MAP4K4: variants seen among roughly 807,000 people sequenced by gnomAD.
MAP4K4 encodes the protein HPK/GCK-like kinase HGK.
Under a neutral mutation model 189.6 loss-of-function variants are expected in MAP4K4, and 38 were observed. The observed-to-expected ratio is 0.20, with a 90% CI of 0.15 to 0.26. MAP4K4 has a LOEUF of 0.26. Among genes scored for constraint, MAP4K4 ranks in the 10% least tolerant of loss-of-function variants. MAP4K4 has a pLI of 1.00. For missense variants in MAP4K4, 1,054 were observed against 1,726.9 expected (o/e 0.61, Z 6.91); for synonymous variants, 610 against 624.3 (o/e 0.98, Z 0.34).
chr2:101,816,294 T>C (rs2095710049), intron 3 of MAP4K4, among the ~76,000 whole-genome samples: 1 of 152,210 alleles, frequency 6.6e-6, no homozygotes, highest in Admixed American at 6.5e-5. Flanking sequence ...CCCTTCATTC[T>C]TTTTTATTGA....
In MAP4K4 at chr2:101,852,137, GT is replaced by G. The variant is rs113049423; in HGVS notation, c.1234-3828del. Among the ~76,000 whole-genome samples the G allele has an allele frequency of 5.1e-3, 730 of 142,532 alleles. 1 individual carries two copies. Among genetic ancestry groups the G allele is most frequent in the African/African-American group, 0.011 (440 of 39,178 alleles). 93.5% of individuals were successfully genotyped at this position (142,532 alleles called of 152,430 possible). On this transcript the variant is annotated intron_variant, in intron 12 of 32. Transcript: ENST00000324219. Reference sequence around the variant, plus strand: ...CAATATCTGGAGGCATAAAGGAGGTGTTTTTTTTTTTTGTTTTTATTAGTAT... The same window carrying G: ...CAATATCTGGAGGCATAAAGGAGGTGTTTTTTTTTTTGTTTTTATTAGTAT...
At chr2:101,889,182 C>T (rs1044395704) in intron 32 of MAP4K4, among the ~76,000 whole-genome samples, 1 of 152,094 alleles carries the variant, frequency 6.6e-6, no homozygotes, top group South Asian at 2.1e-4. Flanking sequence ...GTATTTTTAA[C>T]TCTATTAGAT....
rs150629805 is a variant in MAP4K4, at chr2:101,844,364, C to T, written c.1233+53C>T. On this transcript the variant is annotated intron_variant, in intron 12 of 32. Transcript: ENST00000324219. The stretch of plus-strand genomic sequence containing the variant: ...TTGGTCTTTTCTCTTTCTGCATTTA[C>T]ACTGGTAGTTAGCCACTCAGAGGAA... The T allele has an allele frequency of 1.7e-3, 2,527 of 1,447,696 alleles. 46 individuals carry two copies. In the African/African-American group the frequency reaches 0.032, roughly 19 times the overall value. The allele number at this position is 1,447,696 out of a possible 1,614,324, so 89.7% of individuals were successfully genotyped here. A position where few individuals can be genotyped will look rare whatever the true frequency, so the allele number is the denominator to read the frequency against.
intron 9 of MAP4K4, among the ~76,000 whole-genome samples, chr2:101,838,442 A>G (rs2096827311): frequency 6.6e-6 from 1 of 152,182 alleles, no homozygotes; most frequent in South Asian, 2.1e-4. Context: ...CTATTTTTCC[A>G]TTCTTTTTCA....
intron 31 of MAP4K4, among the ~76,000 whole-genome samples, chr2:101,888,385 G>A (rs1020415024): frequency 9.9e-5 from 15 of 152,130 alleles, no homozygotes; most frequent in African/African-American, 2.9e-4. Flanking sequence ...AATAAAGACC[G>A]ATATTTGACA....
Position 101,746,145 on chromosome 2 carries a change from A to T in MAP4K4, c.124-44575A>T, listed in dbSNP as rs1202583482. Among the ~76,000 whole-genome samples, 49 of 152,036 alleles carry T rather than the reference A, an allele frequency of 3.2e-4. 1 individual carries two copies. Among genetic ancestry groups the T allele is most frequent in the Admixed American group, 3.2e-3 (49 of 15,252 alleles). On this transcript the variant is annotated intron_variant, in intron 2 of 32. Coordinates refer to ENST00000324219, the Ensembl canonical transcript of MAP4K4. Reference sequence around the variant, plus strand: ...GTTGGGACCGCAGGTGCATACCACCACACCCAGCTAATTTTTACTTTTAGT... The same window carrying T: ...GTTGGGACCGCAGGTGCATACCACCTCACCCAGCTAATTTTTACTTTTAGT...
chr2:101,716,682 A>G lies in MAP4K4; in HGVS notation c.123+18144A>G, dbSNP rs149832552. On this transcript the variant is annotated intron_variant, in intron 2 of 32. Transcript: ENST00000324219. ...ATCTTTGTTCATACTTTTGTAGGTC[A>G]GTAATTTGGACTGGGGCATACTCAG... 1.7e-3 allele frequency among the ~76,000 whole-genome samples: 266 copies of G among 152,202 alleles called. 1 individual carries two copies. Among genetic ancestry groups the G allele is most frequent in the African/African-American group, 5.9e-3 (243 of 41,534 alleles).
intron 2 of MAP4K4, among the ~76,000 whole-genome samples, chr2:101,731,776 G>GGGGA (rs1488955331): frequency 3.3e-5 from 5 of 151,412 alleles, no homozygotes; most frequent in African/African-American, 4.8e-5. Context: ...AAAAGATGGA[G>GGGGA]GGGAGGGGTA....
intron 12 of MAP4K4, among the ~76,000 whole-genome samples, chr2:101,844,526 A>G (rs1378447358): frequency 6.6e-6 from 1 of 152,204 alleles, no homozygotes; most frequent in African/African-American, 2.4e-5. Flanking sequence ...TTCCTTGTGA[A>G]AACTTTAAGG....
At chr2:101,843,753 T>C (rs2096995104) in intron 11 of MAP4K4, among the ~76,000 whole-genome samples, 1 of 152,136 alleles carries the variant, frequency 6.6e-6, no homozygotes, top group Non-Finnish European at 1.5e-5. Flanking sequence ...CTGATGGTTC[T>C]GTTTGCTGAA....
chr2:101,771,349 G>A (rs550468953), intron 2 of MAP4K4, among the ~76,000 whole-genome samples: 10 of 152,174 alleles, frequency 6.6e-5, no homozygotes, highest in Admixed American at 5.9e-4. Context: ...TGCTTAGACC[G>A]CCAGGATCTA....
chr2:101,830,746 A>G (rs1393054461), intron 6 of MAP4K4, among the ~76,000 whole-genome samples: 3 of 152,124 alleles, frequency 2.0e-5, no homozygotes, highest in Non-Finnish European at 4.4e-5. Flanking sequence ...CCAGCCTGTG[A>G]TAGTCCCTGA....
At chr2:101,701,742 A>G (rs1432488500) in intron 2 of MAP4K4, among the ~76,000 whole-genome samples, 2 of 152,244 alleles carry the variant, frequency 1.3e-5, no homozygotes, top group Non-Finnish European at 2.9e-5. Context: ...TTCTCTTCAC[A>G]AGGTTACATT....
intron 5 of MAP4K4, among the ~76,000 whole-genome samples, chr2:101,825,986 A>T (rs2096337681): frequency 6.6e-6 from 1 of 152,210 alleles, no homozygotes; most frequent in Admixed American, 6.5e-5. Flanking sequence ...GGTTCTTTTG[A>T]GTAGTAAAGC....
intron 12 of MAP4K4, among the ~76,000 whole-genome samples, chr2:101,845,294 C>T (rs2097065238): frequency 6.6e-6 from 1 of 152,174 alleles, no homozygotes; most frequent in Admixed American, 6.5e-5. Flanking sequence ...TTTACACCAC[C>T]TGCTCATTTA....
chr2:101,732,643 G>A (rs1186488114), intron 2 of MAP4K4, among the ~76,000 whole-genome samples: 2 of 152,112 alleles, frequency 1.3e-5, no homozygotes, highest in Non-Finnish European at 2.9e-5. Context: ...GGAGTGCAGT[G>A]CAGTGGCACC....
chr2:101,776,560 A>C (rs1221252659), intron 2 of MAP4K4, among the ~76,000 whole-genome samples: 1 of 142,928 alleles, frequency 7.0e-6, no homozygotes, highest in South Asian at 2.3e-4. Flanking sequence ...AAAAGACAAA[A>C]AATGCACCCC....
chr2:101,820,531 T>A (rs1043490435), intron 3 of MAP4K4, among the ~76,000 whole-genome samples: 2 of 152,272 alleles, frequency 1.3e-5, no homozygotes, highest in African/African-American at 4.8e-5. Context: ...GTTCACTTTC[T>A]GGTCACCCAG....
At chr2:101,812,865 C>T (rs1042045923) in intron 3 of MAP4K4, among the ~76,000 whole-genome samples, 4 of 152,160 alleles carry the variant, frequency 2.6e-5, no homozygotes, top group African/African-American at 7.2e-5. Flanking sequence ...TGGTGGCTCA[C>T]GCCTGTAATC....
Sources: gnomAD v4.1 joint callset for allele counts (sites outside exome capture counted in the v4.1 genomes callset) on GRCh38, gnomAD v4.1.1 for gene constraint, MANE v1.5 for transcripts, NCBI Gene and HGNC (gene_info 2026-07-23, HGNC 2026-07-21) for gene names.